Variants in DTNB observed in about 807,000 individuals in gnomAD.
DTNB encodes the protein dystrobrevin beta.
DTNB carries 63 observed loss-of-function variants against 90.7 expected under a neutral mutation model. The ratio of observed to expected loss-of-function variants is 0.69; its 90% CI spans 0.57 to 0.86. The LOEUF (loss-of-function observed/expected upper bound fraction) is 0.86, where lower values mean the gene tolerates loss of function less well. DTNB is among the 40% of genes least tolerant of loss of function. The pLI, the probability that DTNB is intolerant of heterozygous loss-of-function variation, is 0.00. For missense variants in DTNB, 744 were observed against 807.1 expected (o/e 0.92, Z 0.95); for synonymous variants, 277 against 286.7 (o/e 0.97, Z 0.34).
chr2:25,545,649 T>A (rs116448034), intron 8 of DTNB, among the ~76,000 whole-genome samples: 2,453 of 152,322 alleles, frequency 0.016, 34 homozygotes, highest in Non-Finnish European at 0.025. Flanking sequence ...TGTTTATTTT[T>A]GAGACAGAGT....
At chr2:25,560,823 G>A (rs971566344) in intron 8 of DTNB, among the ~76,000 whole-genome samples, 4 of 152,032 alleles carry the variant, frequency 2.6e-5, no homozygotes, top group East Asian at 1.9e-4. Context: ...CTGACACTTC[G>A]ATTTCAAACT....
intron 10 of DTNB, among the ~76,000 whole-genome samples, chr2:25,476,344 T>C (rs1160803335): frequency 6.6e-6 from 1 of 152,178 alleles, no homozygotes; most frequent in Non-Finnish European, 1.5e-5. Context: ...GCTGGGGTTA[T>C]AGGCCACCAC....
intron 6 of DTNB, among the ~76,000 whole-genome samples, chr2:25,594,176 T>C (rs1351915717): frequency 1.3e-5 from 2 of 152,242 alleles, no homozygotes; most frequent in Non-Finnish European, 2.9e-5. Flanking sequence ...GTACCAGGAT[T>C]ATGTTCAGAC....
intron 8 of DTNB, among the ~76,000 whole-genome samples, chr2:25,550,865 G>T (rs1468065984): frequency 6.6e-6 from 1 of 152,146 alleles, no homozygotes; most frequent in African/African-American, 2.4e-5. Flanking sequence ...GGCCACGCTG[G>T]TCTCAAACTC....
At chr2:25,481,102 A>G (rs1380319490) in intron 10 of DTNB, among the ~76,000 whole-genome samples, 4 of 152,136 alleles carry the variant, frequency 2.6e-5, no homozygotes, top group Non-Finnish European at 5.9e-5. Context: ...TTTAGAGATA[A>G]AAAATTGAAA....
At chr2:25,630,112 T>C (rs1213766986) in intron 3 of DTNB, among the ~76,000 whole-genome samples, 1 of 152,152 alleles carries the variant, frequency 6.6e-6, no homozygotes, top group Non-Finnish European at 1.5e-5. Flanking sequence ...GATATACAAA[T>C]GGCCAACAAG....
At chr2:25,464,804 T>C (rs900769028) in intron 10 of DTNB, among the ~76,000 whole-genome samples, 7 of 152,184 alleles carry the variant, frequency 4.6e-5, no homozygotes, top group Non-Finnish European at 7.3e-5. Flanking sequence ...AGTGTAATCA[T>C]GAGAAAACCA....
chr2:25,661,767 A>G (rs1427156513), intron 1 of DTNB, among the ~76,000 whole-genome samples: 1 of 152,258 alleles, frequency 6.6e-6, no homozygotes, highest in Admixed American at 6.5e-5. Flanking sequence ...TGAAAATACC[A>G]TTTATATTGG....
intron 10 of DTNB, among the ~76,000 whole-genome samples, chr2:25,482,139 C>G (rs899983396): frequency 6.6e-6 from 1 of 152,086 alleles, no homozygotes; most frequent in African/African-American, 2.4e-5. Context: ...TTTTGCATTG[C>G]TCTGGGTCAT....
intron 10 of DTNB, among the ~76,000 whole-genome samples, chr2:25,475,279 C>A (rs1027799897): frequency 2.2e-4 from 34 of 152,184 alleles, no homozygotes; most frequent in Non-Finnish European, 3.8e-4. Context: ...GAGAAGAAAG[C>A]AAAACAGCCT....
chr2:25,607,340 T>C lies in DTNB; in HGVS notation c.363-19A>G. ...GCCCTCACTGCAAAATAAATTATAT[T>C]AGAAATAATTGCTATCTGAAACCAC... On this transcript the variant is annotated intron_variant, in intron 4 of 20. Coordinates refer to ENST00000406818, the MANE Select transcript of DTNB (RefSeq NM_021907.5). 1 of 1,569,924 alleles carries C rather than the reference T, an allele frequency of 6.4e-7. No individual in the cohort carries two copies. The highest frequency in any genetic ancestry group is 8.6e-7 in the Non-Finnish European group (1 of 1,156,476).
intron 1 of DTNB, among the ~76,000 whole-genome samples, chr2:25,670,264 A>G (rs1267625652): frequency 5.3e-5 from 8 of 152,150 alleles, no homozygotes; most frequent in African/African-American, 1.9e-4. Flanking sequence ...TTTATTCTGT[A>G]TTACCTATAT....
chr2:25,470,003 C>A (rs2062501308), intron 10 of DTNB, among the ~76,000 whole-genome samples: 1 of 152,174 alleles, frequency 6.6e-6, no homozygotes, highest in African/African-American at 2.4e-5. Flanking sequence ...TCAAAGAGAC[C>A]AGATCGCCCC....
chr2:25,445,114 T>C (rs1307907217), intron 12 of DTNB, among the ~76,000 whole-genome samples: 1 of 152,216 alleles, frequency 6.6e-6, no homozygotes, highest in Non-Finnish European at 1.5e-5. Flanking sequence ...GGAGCTTTTA[T>C]TGACAACATT....
intron 10 of DTNB, among the ~76,000 whole-genome samples, chr2:25,463,687 C>A (rs181506169): frequency 2.6e-5 from 4 of 152,308 alleles, no homozygotes; most frequent in Admixed American, 2.6e-4. Context: ...GCTGCAGGCA[C>A]GGAACGAATA....
At chr2:25,555,234 T>C (rs1448609587) in intron 8 of DTNB, among the ~76,000 whole-genome samples, 1 of 132,720 alleles carries the variant, frequency 7.5e-6, no homozygotes, top group Non-Finnish European at 1.5e-5. Flanking sequence ...GAGCTTGCAG[T>C]GAACGAAGAT....
At chr2:25,614,215 G>A (rs1342254748) in intron 4 of DTNB, among the ~76,000 whole-genome samples, 1 of 152,080 alleles carries the variant, frequency 6.6e-6, no homozygotes, top group Non-Finnish European at 1.5e-5. Context: ...AATAATCATG[G>A]TGACCATCAT....
chr2:25,642,524 C>A (rs1473562983), intron 2 of DTNB, among the ~76,000 whole-genome samples: 3 of 151,874 alleles, frequency 2.0e-5, no homozygotes, highest in African/African-American at 7.3e-5. Flanking sequence ...AGGTGATTCA[C>A]CTCAGCCTCC....
chr2:25,559,987 G>A lies in DTNB; in HGVS notation c.876+16851C>T, dbSNP rs554746628. Among the ~76,000 whole-genome samples, 11 of 152,336 alleles carry A rather than the reference G, an allele frequency of 7.2e-5. No individual in the cohort carries two copies. In the South Asian group the frequency reaches 2.1e-3, roughly 29 times the overall value. On this transcript the variant is annotated intron_variant, in intron 8 of 20. Transcript: ENST00000406818. ...GGGCCGGGCGTGGTGGGTGGCTCAC[G>A]CCTGTAATCCCAACACTTTGAGAGG...
Sources: gnomAD v4.1 joint callset for allele counts (sites outside exome capture counted in the v4.1 genomes callset) on GRCh38, gnomAD v4.1.1 for gene constraint, MANE v1.5 for transcripts, NCBI Gene and HGNC (gene_info 2026-07-23, HGNC 2026-07-21) for gene names.